Variants in KDM2B observed in about 807,000 individuals in gnomAD.
KDM2B encodes lysine-specific demethylase 2B.
KDM2B carries 26 observed loss-of-function variants against 150.0 expected under a neutral mutation model. That is an observed-to-expected ratio of 0.17 (90% CI 0.13 to 0.24). The LOEUF (loss-of-function observed/expected upper bound fraction) is 0.24, where lower values mean the gene tolerates loss of function less well. KDM2B is among the 10% of genes least tolerant of loss of function. The probability of loss-of-function intolerance (pLI) is 1.00; values close to 1 mark genes in which losing one functional copy is unlikely to be tolerated. For missense variants in KDM2B, 1,265 were observed against 1,816.9 expected (o/e 0.70, Z 5.52); for synonymous variants, 734 against 729.5 (o/e 1.01, Z -0.10).
At position 121,439,139 on chromosome 12, in the gene KDM2B, C is replaced by CA. The variant is rs1313643889; in HGVS notation, c.3829+717dup. On this transcript the variant is annotated intron_variant, in intron 22 of 22. Coordinates refer to ENST00000377071, the MANE Select transcript of KDM2B (RefSeq NM_032590.5). ...AACAGGCCCCTTGATAGCAGGGTCA[C>CA]AAGGGGTGCATGTAAGCAACGACAG... 2.6e-5 allele frequency among the ~76,000 whole-genome samples: 4 copies of CA among 152,264 alleles called. No individual in the cohort carries two copies. The East Asian group carries it at 7.7e-4, about 29-fold the overall frequency.
At chr12:121,464,524 G>A (rs1364567213) in intron 12 of KDM2B, among the ~76,000 whole-genome samples, 3 of 152,270 alleles carry the variant, frequency 2.0e-5, no homozygotes, top group African/African-American at 7.2e-5. Flanking sequence ...AGACAGGCCA[G>A]CGCAGCACGA....
At chr12:121,439,701 G>GTGTTTCCCCCCTGGACTGGGCTGTC (rs1555287668) in intron 22 of KDM2B, among the ~76,000 whole-genome samples, 156 bp downstream of exon 22, 1 of 152,158 alleles carries the variant, frequency 6.6e-6, no homozygotes, top group Admixed American at 6.5e-5. Context: ...TTTGTTTACT[G>GTGTTTCCCCCCTGGACTGGGCTGTC]TGTTTCCCCC....
chr12:121,439,659 C>A (rs868933357), intron 22 of KDM2B, among the ~76,000 whole-genome samples, 198 bp downstream of exon 22: 1 of 152,174 alleles, frequency 6.6e-6, no homozygotes, highest in Admixed American at 6.5e-5. Context: ...GGATTACGGG[C>A]GTGAGCTACC....
At chr12:121,458,015 T>C (rs1687378458) in intron 12 of KDM2B, among the ~76,000 whole-genome samples, 1 of 152,188 alleles carries the variant, frequency 6.6e-6, no homozygotes, top group Admixed American at 6.5e-5. Context: ...TGTTCATGAA[T>C]TGGAAGATTT....
In KDM2B at chr12:121,520,193, A is replaced by G. The variant is rs1886562867; in HGVS notation, c.1047+792T>C. 6.6e-6 allele frequency among the ~76,000 whole-genome samples: 1 copy of G among 152,012 alleles called. No homozygotes were observed. The highest frequency in any genetic ancestry group is 1.5e-5 in the Non-Finnish European group (1 of 67,958). On this transcript the variant is annotated intron_variant, in intron 9 of 22. Transcript: ENST00000377071. The surrounding 1 kb of genome is among the most constrained non-coding windows in gnomAD (Gnocchi z 4.5). ...GGCAAGAGCCACCGCGCCCGGCCCC[A>G]AGTCTTCAGTTTTGACCCAGTTTGG...
At position 121,467,116 on chromosome 12, in the gene KDM2B, G is replaced by T. The variant is rs1880113096; in HGVS notation, c.1735-13772C>A. ...GCGTCAGACAGGCGGTCGGGAGGTC[G>T]TGCGGCGGGTCCCTCCCTCAGCCCC... is the stretch of plus-strand genomic sequence containing the variant. On this transcript the variant is annotated intron_variant, in intron 12 of 22. Coordinates refer to ENST00000377071, the MANE Select transcript of KDM2B (RefSeq NM_032590.5). This position sits in a 1 kb window ranked among gnomAD's most constrained non-coding sequence, Gnocchi z 5.1. 4 of 1,092,540 alleles carry T rather than the reference G, an allele frequency of 3.7e-6. No homozygotes were observed. The highest frequency in any genetic ancestry group is 4.6e-6 in the Non-Finnish European group (4 of 874,380). 67.7% of individuals were successfully genotyped at this position (1,092,540 alleles called of 1,614,324 possible).
At chr12:121,421,631 G>A in the KDM2B span, among the ~76,000 whole-genome samples, 7 of 151,986 alleles carry the variant, frequency 4.6e-5, no homozygotes, top group South Asian at 6.2e-4. Context: ...ATCAAGCCAC[G>A]GAACATTTAT....
At chr12:121,423,365 T>C in the KDM2B span, 1 of 1,581,314 alleles carries the variant, frequency 6.3e-7, no homozygotes, top group Non-Finnish European at 8.6e-7. This position sits in a 1 kb window ranked among gnomAD's most constrained non-coding sequence, Gnocchi z 4.3. Context: ...GCCGAGGCCT[T>C]AGCTCTCTGT....
the KDM2B span, among the ~76,000 whole-genome samples, chr12:121,413,641 T>C: frequency 0.91 from 131,446 of 143,676 alleles, 60,683 homozygotes; most frequent in Non-Finnish European, 0.98. Context: ...GCAGTGGTGC[T>C]ATCTGGGCTC....
At chr12:121,552,652 G>A (rs1889588635) in intron 4 of KDM2B, among the ~76,000 whole-genome samples, 1 of 145,476 alleles carries the variant, frequency 6.9e-6, no homozygotes, top group Admixed American at 6.9e-5. Context: ...TAGCCTGGGT[G>A]ACATGGTGAG....
In KDM2B at chr12:121,549,427, T is replaced by C. The variant is rs999314783; in HGVS notation, c.576+33A>G. ...ACAGGGAAGGAGATGAGGTGGAAGG[T>C]ATCTGGGGAGGGTACCTGGGCCCCG... On this transcript the variant is annotated intron_variant, in intron 5 of 22. Coordinates refer to ENST00000377071, the MANE Select transcript of KDM2B (RefSeq NM_032590.5). The surrounding 1 kb of genome is among the most constrained non-coding windows in gnomAD (Gnocchi z 4.4). 1 of 1,547,754 alleles carries C rather than the reference T, an allele frequency of 6.5e-7. No individual in the cohort carries two copies.
At chr12:121,445,064 G>A (rs1875916956) in intron 14 of KDM2B, 1 of 553,050 alleles carries the variant, frequency 1.8e-6, no homozygotes, top group Admixed American at 3.5e-5. Context: ...TGGGAGGTGG[G>A]GGTGTGTTTA....
chr12:121,502,563 A>G (rs1593971207), intron 11 of KDM2B, among the ~76,000 whole-genome samples: 1 of 151,800 alleles, frequency 6.6e-6, no homozygotes, highest in South Asian at 2.1e-4. Flanking sequence ...GGAGGTTGCA[A>G]TGAGCCAAGA....
chr12:121,449,771 T>C (rs936444276), intron 13 of KDM2B, among the ~76,000 whole-genome samples: 14 of 152,118 alleles, frequency 9.2e-5, no homozygotes, highest in Admixed American at 2.0e-4. Context: ...CATCCATGCA[T>C]GCACATAGAC....
intron 1 of KDM2B, chr12:121,580,107 G>A (rs1891845370): frequency 1.3e-6 from 2 of 1,579,424 alleles, no homozygotes; most frequent in Admixed American, 2.1e-5. Context: ...CTGCATTTTG[G>A]CCGAGGGGGG....
chr12:121,433,539 AG>A (rs1420516206), intron 22 of KDM2B, among the ~76,000 whole-genome samples: 1 of 152,234 alleles, frequency 6.6e-6, no homozygotes, highest in Non-Finnish European at 1.5e-5. Flanking sequence ...AATTTAACCA[AG>A]GAAGAACTTG....
intron 12 of KDM2B, among the ~76,000 whole-genome samples, chr12:121,455,382 GC>G (rs1200573984): frequency 6.6e-6 from 1 of 152,228 alleles, no homozygotes; most frequent in Non-Finnish European, 1.5e-5. Flanking sequence ...AGGCAAGCTG[GC>G]CACCACCAGT....
At chr12:121,410,732 G>T in the KDM2B span, among the ~76,000 whole-genome samples, 1 of 152,154 alleles carries the variant, frequency 6.6e-6, no homozygotes, top group African/African-American at 2.4e-5. Flanking sequence ...CTCACTGGGA[G>T]ATCATGTTCT....
At chr12:121,462,276 G>T (rs1167901201) in intron 12 of KDM2B, among the ~76,000 whole-genome samples, 5 of 152,000 alleles carry the variant, frequency 3.3e-5, no homozygotes, top group Non-Finnish European at 5.9e-5. Context: ...CTTAACACAC[G>T]CCTGTAGACT....
Sources: allele counts gnomAD v4.1 joint callset (sites outside exome capture counted in the v4.1 genomes callset), GRCh38; gene constraint gnomAD v4.1.1; non-coding constraint Gnocchi (gnomAD v3.1); transcripts MANE v1.5; gene names NCBI Gene and HGNC (gene_info 2026-07-23, HGNC 2026-07-21).